The following AMN1 variants were observed in gnomAD, a reference collection of about 807,000 sequenced individuals.
AMN1 encodes the protein antagonist of mitotic exit network 1 homolog, also known as protein AMN1 homolog.
AMN1 carries 20 observed loss-of-function variants against 33.0 expected under a neutral mutation model. That is an observed-to-expected ratio of 0.61 (90% CI 0.43 to 0.88). The LOEUF (loss-of-function observed/expected upper bound fraction) is 0.88, where lower values mean the gene tolerates loss of function less well. AMN1 is among the 40% of genes least tolerant of loss of function. The pLI is 0.00. For missense variants in AMN1, 246 were observed against 307.4 expected, an observed-to-expected ratio of 0.80 and a Z score of 1.49; for synonymous variants, 114 against 111.9, an observed-to-expected ratio of 1.02 and a Z score of -0.12.
intron 6 of AMN1, chr12:31,673,788 G>T: frequency 3.7e-6 from 1 of 267,650 alleles, no homozygotes; most frequent in Non-Finnish European, 7.6e-6. Context: ...GACCAACTGA[G>T]ATTTATCATA....
chr12:31,698,704 AGG>A (rs1938845294), intron 3 of AMN1, among the ~76,000 whole-genome samples: 2 of 152,116 alleles, frequency 1.3e-5, no homozygotes, highest in African/African-American at 4.8e-5. Flanking sequence ...ATTCATGGGT[AGG>A]TCATTTTTAC....
chr12:31,700,672 T>A (rs963565981), intron 3 of AMN1, among the ~76,000 whole-genome samples: 1 of 152,124 alleles, frequency 6.6e-6, no homozygotes, highest in Non-Finnish European at 1.5e-5. Flanking sequence ...GTTTTGTTTT[T>A]TTTTTAGTTT....
rs1452066274 is a variant in AMN1 at position 31,683,157 on chromosome 12, T to C, written c.703+5850A>G. Reference sequence around the variant, plus strand: ...TTTGTATTTTTAGTAGAGAGGGGGTTTCACCATATTGGCCAGGCTGGTCTC... The same window carrying C: ...TTTGTATTTTTAGTAGAGAGGGGGTCTCACCATATTGGCCAGGCTGGTCTC... On this transcript the variant is annotated intron_variant, in intron 6 of 6. Coordinates refer to ENST00000281471, the MANE Select transcript of AMN1 (RefSeq NM_001113402.2). The surrounding 1 kb of genome is among the most constrained non-coding windows in gnomAD (Gnocchi z 4.1). Among the ~76,000 whole-genome samples, 3 of 152,124 alleles carry C rather than the reference T, an allele frequency of 2.0e-5. No homozygotes were observed. Among genetic ancestry groups the C allele is most frequent in the Non-Finnish European group, 4.4e-5 (3 of 68,022 alleles).
chr12:31,716,269 C>A (rs1231436326), intron 1 of AMN1, among the ~76,000 whole-genome samples: 1 of 152,112 alleles, frequency 6.6e-6, no homozygotes, highest in Admixed American at 6.5e-5. Flanking sequence ...AGTGAATATA[C>A]AGTTGGGTCA....
chr12:31,709,511 C>A lies in AMN1; in HGVS notation c.39-86G>T. 4 of 1,472,020 alleles carry A rather than the reference C, an allele frequency of 2.7e-6. No individual in the cohort carries two copies. In the South Asian group the frequency reaches 4.0e-5, roughly 15 times the overall value. The allele number at this position is 1,472,020 out of a possible 1,614,324, so 91.2% of individuals were successfully genotyped here. The stretch of plus-strand genomic sequence containing the variant: ...CTTAATGCTATTTGTTAGCACTTAG[C>A]CCTTTCATAAAAGTGTGTACATTTT... On this transcript the variant is annotated intron_variant, in intron 1 of 6. Coordinates refer to ENST00000281471, the MANE Select transcript of AMN1 (RefSeq NM_001113402.2).
chr12:31,673,967 A>G (rs751815662), intron 6 of AMN1, among the ~76,000 whole-genome samples: 2 of 151,904 alleles, frequency 1.3e-5, no homozygotes, highest in Non-Finnish European at 2.9e-5. Flanking sequence ...CTGGGCTAAA[A>G]TCAGGTGTGG....
At chr12:31,674,046 C>CT (rs923376528) in intron 6 of AMN1, among the ~76,000 whole-genome samples, 22 of 150,956 alleles carry the variant, frequency 1.5e-4, no homozygotes, top group African/African-American at 5.1e-4. Context: ...ACAGGGGAAT[C>CT]TACTTCCTTT....
chr12:31,714,857 T>A, intron 1 of AMN1: 5 of 942,532 alleles, frequency 5.3e-6, no homozygotes, highest in Non-Finnish European at 5.1e-6. Context: ...AAATATAAAC[T>A]AGGAGGATCT....
chr12:31,676,511 AT>A (rs1565758778), intron 6 of AMN1, among the ~76,000 whole-genome samples: 2 of 150,744 alleles, frequency 1.3e-5, no homozygotes, highest in East Asian at 2.0e-4. Context: ...TTTAGTAGAG[AT>A]GGGGTTTCAC....
chr12:31,707,959 C>T (rs1939312527), intron 2 of AMN1, among the ~76,000 whole-genome samples: 1 of 152,126 alleles, frequency 6.6e-6, no homozygotes, highest in African/African-American at 2.4e-5. Context: ...TCTCTTAATC[C>T]TATTATCTTC....
chr12:31,686,271 C>T (rs758581226), intron 6 of AMN1, among the ~76,000 whole-genome samples: 1 of 151,994 alleles, frequency 6.6e-6, no homozygotes, highest in Non-Finnish European at 1.5e-5. Flanking sequence ...CATGGTGAAA[C>T]CCTGTCTCTA....
chr12:31,728,296 G>A (rs1032886413), intron 1 of AMN1, among the ~76,000 whole-genome samples: 2 of 152,160 alleles, frequency 1.3e-5, no homozygotes, highest in African/African-American at 4.8e-5. Flanking sequence ...TTTCTGGTAG[G>A]AAATAATAAT....
At chr12:31,700,361 TTAAA>T (rs1699813463) in intron 3 of AMN1, among the ~76,000 whole-genome samples, 1 of 151,926 alleles carries the variant, frequency 6.6e-6, no homozygotes, top group Non-Finnish European at 1.5e-5. Context: ...AGACACTGTC[TTAAA>T]TAAATAAATA....
Position 31,687,686 on chromosome 12 carries a change from C to CAA in AMN1, c.703+1319_703+1320dup, listed in dbSNP as rs529854333. On this transcript the variant is annotated intron_variant, in intron 6 of 6. Coordinates refer to ENST00000281471, the MANE Select transcript of AMN1 (RefSeq NM_001113402.2). This position sits in a 1 kb window ranked among gnomAD's most constrained non-coding sequence, Gnocchi z 4.1. ...CGGGTGACAGAGCGAGATTCTGTCTCAAAAAAAAAAAAAAGAATAATTGGA... is the reference window on the plus strand; with the variant it reads ...CGGGTGACAGAGCGAGATTCTGTCTCAAAAAAAAAAAAAAAAGAATAATTGGA... 2.9e-4 allele frequency among the ~76,000 whole-genome samples: 31 copies of CAA among 108,328 alleles called. No homozygotes were observed. Among genetic ancestry groups the CAA allele is most frequent in the African/African-American group, 8.1e-4 (24 of 29,522 alleles). The allele number at this position is 108,328 out of a possible 152,430, so 71.1% of individuals were successfully genotyped here.
At chr12:31,696,920 CAA>C (rs200986596) in intron 5 of AMN1, among the ~76,000 whole-genome samples, 6 of 81,356 alleles carry the variant, frequency 7.4e-5, no homozygotes, top group Admixed American at 2.7e-4. Flanking sequence ...GACTCCGTCT[CAA>C]AAAAAAAAAA....
chr12:31,703,717 C>T (rs1436697392), intron 2 of AMN1, among the ~76,000 whole-genome samples: 1 of 152,152 alleles, frequency 6.6e-6, no homozygotes, highest in South Asian at 2.1e-4. Context: ...AAGATGAGCA[C>T]TTTTTATAAA....
At chr12:31,706,903 C>A (rs1939264914) in intron 2 of AMN1, among the ~76,000 whole-genome samples, 1 of 152,098 alleles carries the variant, frequency 6.6e-6, no homozygotes, top group African/African-American at 2.4e-5. Flanking sequence ...AAAAGAAAAA[C>A]AAAGATTACT....
chr12:31,681,070 T>A (rs1937988287), intron 6 of AMN1, among the ~76,000 whole-genome samples: 1 of 152,166 alleles, frequency 6.6e-6, no homozygotes, highest in African/African-American at 2.4e-5. Context: ...GATGGTTAAG[T>A]GGGAAGAGTA....
intron 5 of AMN1, among the ~76,000 whole-genome samples, chr12:31,693,697 C>G (rs1322318730): frequency 6.6e-6 from 1 of 151,990 alleles, no homozygotes; most frequent in African/African-American, 2.4e-5. Flanking sequence ...CATGCGCCAC[C>G]ACACCCAGCT....
Sources: allele counts gnomAD v4.1 joint callset (sites outside exome capture counted in the v4.1 genomes callset), GRCh38; gene constraint gnomAD v4.1.1; non-coding constraint Gnocchi (gnomAD v3.1); transcripts MANE v1.5; gene names NCBI Gene and HGNC (gene_info 2026-07-23, HGNC 2026-07-21).